RBM4: variants seen among roughly 807,000 people sequenced by gnomAD.
RBM4 encodes RNA binding motif protein 4.
Under a neutral mutation model 29.5 loss-of-function variants are expected in RBM4, and 7 were observed. The observed-to-expected ratio is 0.24, with a 90% CI of 0.14 to 0.45. The LOEUF is 0.45. Ranked by LOEUF, RBM4 falls within the 20% of genes least tolerant of loss-of-function variation. The pLI is 1.00. For synonymous variants in RBM4, 220 were observed against 205.4 expected (o/e 1.07, Z -0.61); for missense variants, 387 against 502.3 (o/e 0.77, Z 2.19).
intron 2 of RBM4, among the ~76,000 whole-genome samples, chr11:66,662,019 G>A (rs1009936890): frequency 6.6e-6 from 1 of 152,200 alleles, no homozygotes; most frequent in African/African-American, 2.4e-5. Flanking sequence ...GACAGAGCGA[G>A]ACTCCATCTC....
Position 66,644,086 on chromosome 11 carries a change from A to G in RBM4, c.1049A>G (p.Tyr350Cys). Residue 350 changes from tyrosine to cysteine, a missense_variant, in exon 3 of 4, where the codon TAT (tyrosine) becomes TGT (cysteine). Transcript: ENST00000310092. The stretch of plus-strand genomic sequence containing the variant: ...AATTCTCTGTACGACATGGCCCGGT[A>G]TGAGCGGGAGCAGTATGCCGATCGG... Reference protein sequence around the residue: ...ARNSLYDMARYEREQYADRAR... With the variant: ...ARNSLYDMARCEREQYADRAR... 12 of 1,614,038 alleles carry G rather than the reference A, an allele frequency of 7.4e-6. No individual in the cohort carries two copies. The highest frequency in any genetic ancestry group is 9.3e-6 in the Non-Finnish European group (11 of 1,180,008).
At chr11:66,657,510 C>T (rs1221582122) in intron 2 of RBM4, among the ~76,000 whole-genome samples, 4 of 151,318 alleles carry the variant, frequency 2.6e-5, no homozygotes, top group Non-Finnish European at 5.9e-5. Context: ...GATGAAACCC[C>T]GTCTCTACTA....
chr11:66,643,579 G>T lies in RBM4; in HGVS notation c.542G>T (p.Gly181Val), dbSNP rs775413930. ...WSKECPIDRSGRVADLTEQYN... is the reference protein window; with the variant it reads ...WSKECPIDRSVRVADLTEQYN... ...AAAGAGTGTCCGATAGATCGTTCAG[G>T]CCGCGTGGCAGACTTGACCGAGCAA... Residue 181 changes from glycine (G) to valine (V), a missense_variant, in exon 3 of 4, where the codon GGC (glycine) becomes GTC (valine). By Grantham distance (109) the Gly-to-Val change is moderately radical. Transcript: ENST00000310092. This position sits in a 1 kb window ranked among gnomAD's most constrained non-coding sequence, Gnocchi z 6.1. 1.2e-6 allele frequency: 2 copies of T among 1,614,142 alleles called. No homozygotes were observed. Among genetic ancestry groups the T allele is most frequent in the Non-Finnish European group, 1.7e-6 (2 of 1,180,026 alleles).
At chr11:66,650,589 C>T (rs144477612), downstream of RBM4, among the ~76,000 whole-genome samples, 1,123 of 148,432 alleles carry the variant, frequency 7.6e-3, 13 homozygotes, top group African/African-American at 0.027. Context: ...ATAGGCCAGG[C>T]GCGGTGGCCC....
exon 3 of RBM4, chr11:66,666,247 T>TG: frequency 9.7e-7 from 1 of 1,035,394 alleles, no homozygotes; most frequent in Non-Finnish European, 1.2e-6. Context: ...CACCAATGGC[T>TG]GGGGGAAAAA....
At chr11:66,662,639 G>A (rs1361764670) in intron 2 of RBM4, among the ~76,000 whole-genome samples, 1 of 152,140 alleles carries the variant, frequency 6.6e-6, no homozygotes, top group Non-Finnish European at 1.5e-5. Context: ...TTGAGCTCGG[G>A]CAATCCACCT....
Position 66,643,514 on chromosome 11 carries a change from G to T in RBM4, c.477G>T (p.Gln159His). ...GGACTGCGCCCGGGATGGGAGACCA[G>T]AGCGGCTGCTATCGGTGCGGGAAAG... ...RLRTAPGMGD[Q>H]SGCYRCGKEG... Residue 159 changes from glutamine to histidine, a missense_variant, in exon 3 of 4, where the codon CAG becomes CAT. Physicochemically the swap from Gln to His is conservative, Grantham distance 24 (BLOSUM62 0). Transcript: ENST00000310092. This position sits in a 1 kb window ranked among gnomAD's most constrained non-coding sequence, Gnocchi z 6.1. 6.2e-7 allele frequency: 1 copy of T among 1,614,094 alleles called. No homozygotes were observed. The highest frequency in any genetic ancestry group is 8.5e-7 in the Non-Finnish European group (1 of 1,180,000).
intron 2 of RBM4, chr11:66,665,261 G>C: frequency 2.7e-6 from 1 of 366,006 alleles, no homozygotes; most frequent in South Asian, 3.4e-5. Context: ...CAGGTAGGCA[G>C]GGAGAAGGAT....
intron 2 of RBM4, chr11:66,665,292 G>A (rs1939184548): frequency 4.4e-6 from 2 of 451,564 alleles, no homozygotes; most frequent in Non-Finnish European, 8.0e-6. Flanking sequence ...GGGAAAGCAA[G>A]ATAAGAGGGG....
chr11:66,648,484 T>C (rs962887725), downstream of RBM4, among the ~76,000 whole-genome samples: 2 of 152,050 alleles, frequency 1.3e-5, no homozygotes, highest in Admixed American at 6.6e-5. Flanking sequence ...ATCAGGCCAC[T>C]GCACTACAGC....
chr11:66,647,257 C>G (rs1001175922), downstream of RBM4, among the ~76,000 whole-genome samples: 4 of 152,296 alleles, frequency 2.6e-5, no homozygotes, highest in Admixed American at 2.0e-4. Context: ...TACTGTATGC[C>G]AGGCATTACC....
Position 66,646,307 on chromosome 11 carries a change from G to T in RBM4, c.*289G>T. On this transcript the variant is annotated 3_prime_UTR_variant, in exon 4 of 4. Transcript: ENST00000310092. The stretch of plus-strand genomic sequence containing the variant: ...GTGTGCAGAAACTGTGGTGGGGGCT[G>T]TGCTGTCTCCTCCCTGCCTCCTGCC... 1.5e-6 allele frequency: 2 copies of T among 1,331,088 alleles called. No individual in the cohort carries two copies. Among genetic ancestry groups the T allele is most frequent in the Non-Finnish European group, 1.9e-6 (2 of 1,037,532 alleles). 82.5% of individuals were successfully genotyped at this position (1,331,088 alleles called of 1,614,324 possible). A position where few individuals can be genotyped will look rare whatever the true frequency, so the allele number is the denominator to read the frequency against.
downstream of RBM4, among the ~76,000 whole-genome samples, chr11:66,650,976 G>A (rs576574112): frequency 6.6e-6 from 1 of 152,296 alleles, no homozygotes; most frequent in African/African-American, 2.4e-5. Flanking sequence ...GAGCAGAGAT[G>A]GCATCACTGG....
chr11:66,658,318 G>A (rs1164110221), intron 2 of RBM4, among the ~76,000 whole-genome samples: 2 of 139,332 alleles, frequency 1.4e-5, no homozygotes, highest in African/African-American at 2.7e-5. Flanking sequence ...GTGAGCCACT[G>A]TGCCTGGCCT....
chr11:66,655,612 A>G (rs912720448), intron 2 of RBM4, among the ~76,000 whole-genome samples: 8 of 152,214 alleles, frequency 5.3e-5, no homozygotes, highest in African/African-American at 1.9e-4. Context: ...GATTTGAGCA[A>G]TGAGTTGAAT....
exon 3 of RBM4, chr11:66,666,007 GT>G (rs1016439211): frequency 4.8e-6 from 7 of 1,446,338 alleles, no homozygotes; most frequent in Non-Finnish European, 6.5e-6. Context: ...AATGTGTTTT[GT>G]TTTAATCTTT....
chr11:66,665,219 A>AC (rs1939180189), intron 2 of RBM4: 1 of 280,318 alleles, frequency 3.6e-6, no homozygotes, highest in East Asian at 8.9e-5. Flanking sequence ...GCTTGCCACT[A>AC]CATGGTCATT....
chr11:66,665,268 G>C (rs997287206), intron 2 of RBM4: 1 of 382,076 alleles, frequency 2.6e-6, no homozygotes, highest in Non-Finnish European at 4.8e-6. Flanking sequence ...GCAGGGAGAA[G>C]GATTCAACTC....
intron 3 of RBM4, among the ~76,000 whole-genome samples, chr11:66,644,930 T>C (rs930881410): frequency 4.6e-5 from 7 of 151,842 alleles, no homozygotes; most frequent in African/African-American, 1.7e-4. Context: ...ACTTAGGGTT[T>C]TTTTTTTTTT....
Sources: gnomAD v4.1 joint callset for allele counts (sites outside exome capture counted in the v4.1 genomes callset) on GRCh38, gnomAD v4.1.1 for gene constraint, Gnocchi (gnomAD v3.1) non-coding constraint, MANE v1.5 for transcripts, NCBI Gene and HGNC (gene_info 2026-07-23, HGNC 2026-07-21) for gene names.